Variants in KPNA1 observed in about 807,000 individuals in gnomAD.
The protein encoded by KPNA1 is karyopherin subunit alpha 1, also known as importin subunit alpha-5.
A neutral mutation model predicts 70.5 loss-of-function variants in KPNA1; 10 were observed. The ratio of observed to expected loss-of-function variants is 0.14; its 90% CI spans 0.09 to 0.24. The LOEUF (loss-of-function observed/expected upper bound fraction) is 0.24. Ranked by LOEUF, KPNA1 falls within the 10% of genes least tolerant of loss-of-function variation. The pLI, the probability that KPNA1 is intolerant of heterozygous loss-of-function variation, is 1.00. For missense variants in KPNA1, 397 were observed against 637.9 expected, an observed-to-expected ratio of 0.62 and a Z score of 4.07; for synonymous variants, 192 against 221.9, an observed-to-expected ratio of 0.87 and a Z score of 1.20.
rs561731795 is a variant in KPNA1, at chr3:122,491,955, G to A, written c.129+4482C>T. On this transcript the variant is annotated intron_variant, in intron 2 of 13. Transcript: ENST00000344337. ...CGACTCACTGCAAGCTCCGCCTCCC[G>A]GGTTCACGCCATTCTCCTGCCTCAG... Among the ~76,000 whole-genome samples, 9 of 141,160 alleles carry A rather than the reference G, an allele frequency of 6.4e-5. No homozygotes were observed. The East Asian group carries it at 2.0e-3, about 31-fold the overall frequency. The allele number at this position is 141,160 out of a possible 152,430, so 92.6% of individuals were successfully genotyped here.
At chr3:122,477,801 ACAT>A (rs1166450579) in intron 2 of KPNA1, among the ~76,000 whole-genome samples, 2 of 152,092 alleles carry the variant, frequency 1.3e-5, no homozygotes, top group African/African-American at 4.8e-5. Context: ...ATATTTCAAA[ACAT>A]CATGTTGTAC....
intron 1 of KPNA1, among the ~76,000 whole-genome samples, chr3:122,509,792 A>G (rs866015726): frequency 6.6e-6 from 1 of 152,234 alleles, no homozygotes; most frequent in Non-Finnish European, 1.5e-5. Flanking sequence ...ACTGAGAAGC[A>G]TAATTCATTC....
At chr3:122,487,061 T>A (rs2076638147) in intron 2 of KPNA1, among the ~76,000 whole-genome samples, 1 of 152,196 alleles carries the variant, frequency 6.6e-6, no homozygotes, top group Non-Finnish European at 1.5e-5. Context: ...ATGATCACTG[T>A]AACCTCTATA....
chr3:122,460,648 G>GAAAA, intron 5 of KPNA1: 5 of 481,268 alleles, frequency 1.0e-5, no homozygotes, highest in Non-Finnish European at 1.3e-5. Flanking sequence ...AGAAAAAGAA[G>GAAAA]AAAAAAAAAA....
intron 1 of KPNA1, among the ~76,000 whole-genome samples, chr3:122,511,150 T>C (rs1373001190): frequency 1.3e-5 from 2 of 152,152 alleles, no homozygotes; most frequent in African/African-American, 4.8e-5. Flanking sequence ...ACCTGACCCA[T>C]CAATAGATGT....
chr3:122,509,129 C>T lies in KPNA1; in HGVS notation c.-6+5628G>A, dbSNP rs137984885. Among the ~76,000 whole-genome samples, 182 of 151,972 alleles carry T rather than the reference C, an allele frequency of 1.2e-3. 1 individual carries two copies. Among genetic ancestry groups the T allele is most frequent in the African/African-American group, 4.2e-3 (172 of 41,432 alleles). ...GGCGTAGTGGCGGGCCCCTGTAAACCCAGCTACTCGTGAGGCTGAGTCAGA... is the reference window on the plus strand; with the variant it reads ...GGCGTAGTGGCGGGCCCCTGTAAACTCAGCTACTCGTGAGGCTGAGTCAGA... On this transcript the variant is annotated intron_variant, in intron 1 of 13. Coordinates refer to ENST00000344337, the MANE Select transcript of KPNA1 (RefSeq NM_002264.4).
At chr3:122,480,043 T>A (rs1209352198) in intron 2 of KPNA1, among the ~76,000 whole-genome samples, 2 of 152,096 alleles carry the variant, frequency 1.3e-5, no homozygotes, top group African/African-American at 2.4e-5. Flanking sequence ...TACATATTAT[T>A]AAGTGAAAGA....
intron 12 of KPNA1, among the ~76,000 whole-genome samples, chr3:122,429,183 G>A (rs2075863887): frequency 6.6e-6 from 1 of 152,122 alleles, no homozygotes; most frequent in Admixed American, 6.5e-5. Context: ...AGGCATGGTG[G>A]CTCAAGCCTG....
intron 1 of KPNA1, among the ~76,000 whole-genome samples, chr3:122,502,385 G>A (rs190317747): frequency 6.6e-6 from 1 of 152,280 alleles, no homozygotes; most frequent in Admixed American, 6.5e-5. Flanking sequence ...TGATAAGACT[G>A]GTGTCGTTAT....
In KPNA1 at chr3:122,427,019, T is replaced by C. The variant is rs1311427524; in HGVS notation, c.1583A>G (p.Gln528Arg). Residue 528 changes from glutamine (Q) to arginine (R), a missense_variant, in exon 14 of 14, where the codon CAG (glutamine) becomes CGG (arginine). Gln to Arg is a conservative substitution (Grantham distance 43, BLOSUM62 1). Coordinates refer to ENST00000344337, the MANE Select transcript of KPNA1 (RefSeq NM_002264.4). ...DLNQQQYIFQ[Q>R]CEAPMEGFQL ...GAAACCTTCCATAGGAGCCTCACAC[T>C]GTTGGAAGATGTACTGCTGCTGGTT... is the stretch of plus-strand genomic sequence containing the variant. The C allele has an allele frequency of 1.2e-6, 2 of 1,614,164 alleles. No individual in the cohort carries two copies. The highest frequency in any genetic ancestry group is 4.5e-5 in the East Asian group (2 of 44,878).
chr3:122,440,358 G>T (rs930918658), intron 10 of KPNA1, among the ~76,000 whole-genome samples: 1 of 152,222 alleles, frequency 6.6e-6, no homozygotes, highest in South Asian at 2.1e-4. Flanking sequence ...ATATGTGTGA[G>T]GTGGCAGTCA....
At chr3:122,472,991 G>C (rs1389083834) in intron 2 of KPNA1, among the ~76,000 whole-genome samples, 1 of 152,110 alleles carries the variant, frequency 6.6e-6, no homozygotes, top group Non-Finnish European at 1.5e-5. Flanking sequence ...TGAGGCACCA[G>C]AATCACCTGG....
intron 1 of KPNA1, among the ~76,000 whole-genome samples, chr3:122,509,832 A>G (rs1483636598): frequency 1.3e-5 from 2 of 152,222 alleles, no homozygotes; most frequent in Non-Finnish European, 2.9e-5. Context: ...CATCCAAATA[A>G]TAACAAAAAC....
intron 6 of KPNA1, among the ~76,000 whole-genome samples, chr3:122,452,403 A>G: frequency 6.6e-6 from 1 of 150,874 alleles, no homozygotes; most frequent in African/African-American, 2.4e-5. Context: ...CAGCTGCTTG[A>G]GAGGCTGAGG....
chr3:122,461,681 C>T (rs1242343414), intron 4 of KPNA1, among the ~76,000 whole-genome samples: 2 of 152,170 alleles, frequency 1.3e-5, no homozygotes, highest in Non-Finnish European at 1.5e-5. Context: ...AGTTTTAAGT[C>T]TAACTGCTCT....
At chr3:122,487,922 T>A (rs757192907) in intron 2 of KPNA1, among the ~76,000 whole-genome samples, 3 of 152,200 alleles carry the variant, frequency 2.0e-5, no homozygotes, top group Admixed American at 6.5e-5. Context: ...TTAATAAAAA[T>A]TTTTTAAAAC....
At chr3:122,513,179 C>T (rs1464817208) in intron 1 of KPNA1, among the ~76,000 whole-genome samples, 1 of 152,162 alleles carries the variant, frequency 6.6e-6, no homozygotes, top group Non-Finnish European at 1.5e-5. Context: ...AACTGGAAGA[C>T]CTTAGGTAAG....
At chr3:122,486,485 G>A (rs969358838) in intron 2 of KPNA1, among the ~76,000 whole-genome samples, 1 of 152,202 alleles carries the variant, frequency 6.6e-6, no homozygotes, top group Admixed American at 6.5e-5. Context: ...AAACCTCTGG[G>A]TGAGATGAAT....
At chr3:122,505,274 CAA>C (rs376502610) in intron 1 of KPNA1, among the ~76,000 whole-genome samples, 7 of 99,536 alleles carry the variant, frequency 7.0e-5, no homozygotes, top group Admixed American at 2.3e-4. Context: ...CTGCATGCCT[CAA>C]AAAAAAAAAA....
Sources: allele counts gnomAD v4.1 joint callset (sites outside exome capture counted in the v4.1 genomes callset), GRCh38; gene constraint gnomAD v4.1.1; transcripts MANE v1.5; gene names NCBI Gene and HGNC (gene_info 2026-07-23, HGNC 2026-07-21).